Variants in MRM1 observed in about 807,000 individuals in gnomAD.
The protein encoded by MRM1 is rRNA methyltransferase 1, mitochondrial.
Under a neutral mutation model 25.0 loss-of-function variants are expected in MRM1, and 24 were observed. The observed-to-expected ratio is 0.96, with a 90% confidence interval of 0.69 to 1.35. The LOEUF (loss-of-function observed/expected upper bound fraction) is 1.35. Ranked by LOEUF, MRM1 falls within the 40% of genes most tolerant of loss-of-function variation. The probability of loss-of-function intolerance (pLI) is 0.00; values close to 1 mark genes in which losing one functional copy is unlikely to be tolerated. For synonymous variants in MRM1, 188 were observed against 199.2 expected (o/e 0.94, Z 0.47); for missense variants, 431 against 464.1 (o/e 0.93, Z 0.65).
chr17:36,615,708 A>G, the MRM1 span, among the ~76,000 whole-genome samples: 926 of 151,034 alleles, frequency 6.1e-3, 10 homozygotes, highest in African/African-American at 0.021. Flanking sequence ...TAGAAAGAGG[A>G]AACTAAGCCA....
At chr17:36,608,125 T>C in intron 4 of MRM1, 107 bp downstream of exon 4, 2 of 1,533,460 alleles carry the variant, frequency 1.3e-6, no homozygotes, top group Non-Finnish European at 8.8e-7. Context: ...AGTTGCTTTA[T>C]GTACAAAATG....
At chr17:36,623,883 C>T in the MRM1 span, among the ~76,000 whole-genome samples, 4 of 152,158 alleles carry the variant, frequency 2.6e-5, no homozygotes, top group African/African-American at 7.2e-5. Context: ...ACTTCATGCC[C>T]GGTGGGAAGG....
At chr17:36,621,808 C>T in the MRM1 span, among the ~76,000 whole-genome samples, 2 of 152,110 alleles carry the variant, frequency 1.3e-5, no homozygotes, top group African/African-American at 4.8e-5. Context: ...TGGCAAGACC[C>T]TGGGTATGTC....
the MRM1 span, among the ~76,000 whole-genome samples, chr17:36,616,358 C>T: frequency 1.2e-4 from 18 of 152,218 alleles, no homozygotes; most frequent in Non-Finnish European, 5.9e-5. Context: ...TCATCCCCAG[C>T]CACAGCTGGT....
the MRM1 span, among the ~76,000 whole-genome samples, chr17:36,616,725 T>C: frequency 3.3e-5 from 5 of 152,230 alleles, no homozygotes; most frequent in South Asian, 1.0e-3. Flanking sequence ...CCATACTTTT[T>C]GTTTGTTTGT....
At chr17:36,614,548 C>T in the MRM1 span, among the ~76,000 whole-genome samples, 1 of 152,122 alleles carries the variant, frequency 6.6e-6, no homozygotes, top group Non-Finnish European at 1.5e-5. Context: ...GGTTTTAATC[C>T]CCCATCTCCT....
chr17:36,614,505 C>A, the MRM1 span, among the ~76,000 whole-genome samples: 2 of 152,142 alleles, frequency 1.3e-5, no homozygotes, highest in Non-Finnish European at 2.9e-5. Flanking sequence ...CGGATCCTTC[C>A]TTTTATCCTC....
At chr17:36,631,598 C>T in the MRM1 span, among the ~76,000 whole-genome samples, 11 of 152,336 alleles carry the variant, frequency 7.2e-5, no homozygotes, top group Admixed American at 3.3e-4. Context: ...ACACCAAACG[C>T]GGGGCATCCC....
the MRM1 span, among the ~76,000 whole-genome samples, chr17:36,615,529 G>A: frequency 6.6e-6 from 1 of 151,874 alleles, no homozygotes; most frequent in Non-Finnish European, 1.5e-5. Context: ...CATGATGGCA[G>A]GCGCCTATAA....
At chr17:36,606,701 G>A (rs1385697334) in intron 2 of MRM1, among the ~76,000 whole-genome samples, 1 of 150,106 alleles carries the variant, frequency 6.7e-6, no homozygotes, top group Non-Finnish European at 1.5e-5. Flanking sequence ...TCCGCCTCCC[G>A]GGTTCAAGCG....
At chr17:36,623,120 C>T in the MRM1 span, among the ~76,000 whole-genome samples, 2 of 152,174 alleles carry the variant, frequency 1.3e-5, no homozygotes, top group East Asian at 1.9e-4. Flanking sequence ...CCTGCACAGG[C>T]GTGTCATGTG....
intron 2 of MRM1, among the ~76,000 whole-genome samples, chr17:36,605,523 T>C (rs905131075): frequency 2.6e-5 from 4 of 151,438 alleles, no homozygotes; most frequent in African/African-American, 4.9e-5. Context: ...TCATCTAGTC[T>C]CATGGCTTTA....
chr17:36,617,391 G>A, the MRM1 span, among the ~76,000 whole-genome samples: 2 of 139,248 alleles, frequency 1.4e-5, no homozygotes, highest in Admixed American at 7.1e-5. Context: ...CTTCCTTTCC[G>A]TCTTTTTTTT....
the MRM1 span, among the ~76,000 whole-genome samples, chr17:36,630,209 G>GC: frequency 6.6e-6 from 1 of 152,166 alleles, no homozygotes; most frequent in African/African-American, 2.4e-5. Context: ...TTATTTCCCT[G>GC]CCTGCAGGCC....
At chr17:36,605,444 G>T (rs543307669) in intron 2 of MRM1, among the ~76,000 whole-genome samples, 1 of 151,794 alleles carries the variant, frequency 6.6e-6, no homozygotes, top group South Asian at 2.1e-4. Flanking sequence ...AAAATGCTGG[G>T]ATTACAGGCG....
chr17:36,624,154 T>A, the MRM1 span, among the ~76,000 whole-genome samples: 61 of 152,338 alleles, frequency 4.0e-4, no homozygotes, highest in African/African-American at 1.4e-3. This position sits in a 1 kb window ranked among gnomAD's most constrained non-coding sequence, Gnocchi z 4.0. Flanking sequence ...TCTCTCACCC[T>A]GTCTCTGATT....
chr17:36,627,643 T>C, the MRM1 span, among the ~76,000 whole-genome samples: 1 of 151,844 alleles, frequency 6.6e-6, no homozygotes, highest in Non-Finnish European at 1.5e-5. Flanking sequence ...CAATTGAGAT[T>C]ATACTACTCA....
At position 36,602,572 on chromosome 17, in the gene MRM1, G is replaced by A. The variant is rs1333489911; in HGVS notation, c.562G>A (p.Val188Ile). Residue 188 changes from valine (V) to isoleucine (I), a missense_variant, in exon 2 of 5, where the codon GTC becomes ATC. Coordinates refer to ENST00000614766, the MANE Select transcript of MRM1 (RefSeq NM_024864.5). The surrounding 1 kb of genome is among the most constrained non-coding windows in gnomAD (Gnocchi z 4.1). ...TTGCAGCTGCCCGCTCACTCCAGTA[G>A]TCAGCAAGTCCAGCGCGGGGGCTAT... ...RRNSCPLTPVVSKSSAGAMEV... is the reference protein window; with the variant it reads ...RRNSCPLTPVISKSSAGAMEV... 6.2e-7 allele frequency: 1 copy of A among 1,614,224 alleles called. No individual in the cohort carries two copies. The highest frequency in any genetic ancestry group is 8.5e-7 in the Non-Finnish European group (1 of 1,180,052).
At chr17:36,622,982 C>G in the MRM1 span, among the ~76,000 whole-genome samples, 2 of 152,248 alleles carry the variant, frequency 1.3e-5, no homozygotes, top group African/African-American at 4.8e-5. Flanking sequence ...ATTGGCCCTC[C>G]AAGCCCTGGG....
Sources: allele counts gnomAD v4.1 joint callset (sites outside exome capture counted in the v4.1 genomes callset), GRCh38; gene constraint gnomAD v4.1.1; non-coding constraint Gnocchi (gnomAD v3.1); transcripts MANE v1.5; gene names NCBI Gene and HGNC (gene_info 2026-07-23, HGNC 2026-07-21).